CFAP299: variants seen among roughly 807,000 people sequenced by gnomAD.
CFAP299 encodes cilia- and flagella-associated protein 299.
CFAP299 carries 21 observed loss-of-function variants against 27.0 expected under a neutral mutation model. The observed-to-expected ratio is 0.78, with a 90% CI of 0.55 to 1.12. The LOEUF (loss-of-function observed/expected upper bound fraction) is 1.12. Ranked by LOEUF, CFAP299 falls within the 50% of genes most tolerant of loss-of-function variation. The pLI is 0.00. For synonymous variants in CFAP299, 104 were observed against 98.1 expected, an observed-to-expected ratio of 1.06 and a Z score of -0.36; for missense variants, 310 against 276.6, an observed-to-expected ratio of 1.12 and a Z score of -0.86.
At chr4:80,805,337 A>G (rs1217241574) in intron 3 of CFAP299, among the ~76,000 whole-genome samples, 1 of 152,186 alleles carries the variant, frequency 6.6e-6, no homozygotes. Context: ...AATTTAAAAG[A>G]AAGGAACCAC....
At chr4:80,479,772 A>G (rs1730462432) in intron 2 of CFAP299, among the ~76,000 whole-genome samples, 1 of 152,034 alleles carries the variant, frequency 6.6e-6, no homozygotes, top group South Asian at 2.1e-4. Context: ...CTTTTGTCCA[A>G]GAAACTTGTT....
rs542148327 is a variant in CFAP299, at chr4:80,344,375, C to T, written c.111+8496C>T. On this transcript the variant is annotated intron_variant, in intron 1 of 5. Transcript: ENST00000358105. The stretch of plus-strand genomic sequence containing the variant: ...TCAGATAATATTATGAACACCTCTT[C>T]GTGCAGAAAATAGAAAATCTAGAAG... 6.0e-4 allele frequency among the ~76,000 whole-genome samples: 92 copies of T among 152,130 alleles called. 1 individual carries two copies. Among genetic ancestry groups the T allele is most frequent in the South Asian group, 3.9e-3 (19 of 4,816 alleles).
intron 2 of CFAP299, among the ~76,000 whole-genome samples, chr4:80,379,539 T>C (rs1468490048): frequency 6.6e-6 from 1 of 152,026 alleles, no homozygotes; most frequent in Non-Finnish European, 1.5e-5. Context: ...TTCCATATGT[T>C]TTCCTCTATG....
chr4:80,407,303 A>G (rs1322221235), intron 2 of CFAP299, among the ~76,000 whole-genome samples: 2 of 152,092 alleles, frequency 1.3e-5, no homozygotes, highest in East Asian at 1.9e-4. Flanking sequence ...GCTTAAAACA[A>G]CCACCATTTA....
At chr4:80,361,061 G>A (rs1454901054) in intron 1 of CFAP299, among the ~76,000 whole-genome samples, 1 of 152,204 alleles carries the variant, frequency 6.6e-6, no homozygotes, top group Non-Finnish European at 1.5e-5. Context: ...AGACATGCAA[G>A]AAATACGTTG....
intron 3 of CFAP299, among the ~76,000 whole-genome samples, chr4:80,863,791 T>C (rs889573861): frequency 6.6e-5 from 10 of 152,192 alleles, no homozygotes; most frequent in Admixed American, 3.3e-4. Flanking sequence ...AAGGAAAATA[T>C]GAATTTTGGA....
At chr4:80,928,384 T>A (rs965117220) in intron 4 of CFAP299, among the ~76,000 whole-genome samples, 5 of 152,128 alleles carry the variant, frequency 3.3e-5, no homozygotes, top group Non-Finnish European at 7.4e-5. Context: ...TTTCTTTTAA[T>A]GAAAATTCTT....
intron 3 of CFAP299, among the ~76,000 whole-genome samples, chr4:80,687,504 G>T (rs1016206899): frequency 2.0e-5 from 3 of 152,170 alleles, no homozygotes; most frequent in Admixed American, 6.5e-5. Flanking sequence ...AGCCATTGCA[G>T]TTGTAAATTC....
intron 2 of CFAP299, among the ~76,000 whole-genome samples, chr4:80,562,781 T>C (rs1413402763): frequency 6.6e-6 from 1 of 151,532 alleles, no homozygotes; most frequent in African/African-American, 2.4e-5. Flanking sequence ...CCAGACCCAT[T>C]GATCTGTTGC....
intron 2 of CFAP299, among the ~76,000 whole-genome samples, chr4:80,473,565 TA>T (rs931247300): frequency 1.9e-3 from 293 of 150,732 alleles, no homozygotes; most frequent in African/African-American, 6.2e-3. Context: ...TCAGCCTTAT[TA>T]AAAAAAAATA....
chr4:80,487,425 T>C (rs762912020), intron 2 of CFAP299, among the ~76,000 whole-genome samples: 1 of 152,234 alleles, frequency 6.6e-6, no homozygotes, highest in Non-Finnish European at 1.5e-5. Context: ...GATCTCTTTC[T>C]AGTATCTTGT....
At chr4:80,719,410 T>C (rs190863501) in intron 3 of CFAP299, among the ~76,000 whole-genome samples, 7 of 152,228 alleles carry the variant, frequency 4.6e-5, no homozygotes, top group Admixed American at 4.6e-4. Flanking sequence ...CTTAGGGTAA[T>C]TCTATGCTTA....
At chr4:80,326,128 C>G in the CFAP299 span, among the ~76,000 whole-genome samples, 3 of 152,106 alleles carry the variant, frequency 2.0e-5, no homozygotes, top group Non-Finnish European at 2.9e-5. Context: ...ATTCCATAAT[C>G]TAGTTGTCCA....
rs1309088710 is a variant in CFAP299 at position 80,481,469 on chromosome 4, AAG to A, written c.243-101621_243-101620del. On this transcript the variant is annotated intron_variant, in intron 2 of 5. Transcript: ENST00000358105. Reference sequence around the variant, plus strand: ...AAGGCATATTTTTAAACTCTGTTGAAAGAGTAAATTCATCTATTTTACTGGCT... The same window carrying A: ...AAGGCATATTTTTAAACTCTGTTGAAAGTAAATTCATCTATTTTACTGGCT... Among the ~76,000 whole-genome samples, 38 of 152,250 alleles carry A rather than the reference AAG, an allele frequency of 2.5e-4. 1 individual carries two copies. Among genetic ancestry groups the A allele is most frequent in the African/African-American group, 4.8e-4 (20 of 41,574 alleles).
In CFAP299 at chr4:80,606,667, G is replaced by A. The variant is rs1199652286; in HGVS notation, c.333+23484G>A. ...GAAATAATGGTATTAGACTCTACAC[G>A]TGCTCTTCCATGGCTTGCTCTTTTC... On this transcript the variant is annotated intron_variant, in intron 3 of 5. Transcript: ENST00000358105. 2.0e-5 allele frequency among the ~76,000 whole-genome samples: 3 copies of A among 151,894 alleles called. No homozygotes were observed. In the East Asian group the frequency reaches 5.8e-4, roughly 29 times the overall value.
chr4:80,699,249 A>C (rs1197552437), intron 3 of CFAP299, among the ~76,000 whole-genome samples: 2 of 152,176 alleles, frequency 1.3e-5, no homozygotes, highest in African/African-American at 4.8e-5. Flanking sequence ...ACTCTGTTTC[A>C]AAGGTTCTGC....
chr4:80,877,760 TC>T (rs1352119766), intron 4 of CFAP299, among the ~76,000 whole-genome samples: 7 of 152,180 alleles, frequency 4.6e-5, no homozygotes, highest in African/African-American at 1.7e-4. Flanking sequence ...TGCAACTTTT[TC>T]AACTTTTTAT....
At chr4:80,378,106 T>TG (rs35400090) in intron 2 of CFAP299, among the ~76,000 whole-genome samples, 1,528 of 152,266 alleles carry the variant, frequency 0.01, 14 homozygotes, top group Non-Finnish European at 0.017. Context: ...GAGATTTGGG[T>TG]GGGGGCACAG....
intron 3 of CFAP299, among the ~76,000 whole-genome samples, chr4:80,799,617 TA>T (rs371621743): frequency 7.2e-4 from 28 of 38,944 alleles, no homozygotes; most frequent in East Asian, 6.4e-3. Flanking sequence ...ATATATTATA[TA>T]TTTATAAATA....
Sources: allele counts gnomAD v4.1 joint callset (sites outside exome capture counted in the v4.1 genomes callset), GRCh38; gene constraint gnomAD v4.1.1; transcripts MANE v1.5; gene names NCBI Gene and HGNC (gene_info 2026-07-23, HGNC 2026-07-21).